Variants in KIAA0513 observed in about 807,000 individuals in gnomAD.
KIAA0513 encodes uncharacterized protein KIAA0513.
In KIAA0513, 39 loss-of-function variants were observed where a neutral mutation model predicts 56.5. The ratio of observed to expected loss-of-function variants is 0.69; its 90% CI spans 0.53 to 0.90. The LOEUF (loss-of-function observed/expected upper bound fraction) is 0.90, where lower values mean the gene tolerates loss of function less well. Ranked by LOEUF, KIAA0513 falls within the 40% of genes least tolerant of loss-of-function variation. The probability of loss-of-function intolerance (pLI) is 0.00; values close to 1 mark genes in which losing one functional copy is unlikely to be tolerated. For missense variants in KIAA0513, 591 were observed against 535.2 expected, an observed-to-expected ratio of 1.10 and a Z score of -1.03; for synonymous variants, 268 against 215.6, an observed-to-expected ratio of 1.24 and a Z score of -2.13.
At chr16:85,056,808 T>A (rs2073336802) in intron 1 of KIAA0513, among the ~76,000 whole-genome samples, 1 of 152,188 alleles carries the variant, frequency 6.6e-6, no homozygotes, top group Non-Finnish European at 1.5e-5. Flanking sequence ...CAAGGAATCC[T>A]CATGCCTCAG....
chr16:85,042,483 C>T (rs1056735043), intron 1 of KIAA0513, among the ~76,000 whole-genome samples: 2 of 152,180 alleles, frequency 1.3e-5, no homozygotes, highest in Non-Finnish European at 2.9e-5. Flanking sequence ...TGGACTCCCC[C>T]TCTGCTTGGG....
intron 1 of KIAA0513, among the ~76,000 whole-genome samples, chr16:85,040,391 G>A (rs915946146): frequency 1.3e-5 from 2 of 152,082 alleles, no homozygotes; most frequent in South Asian, 2.1e-4. Flanking sequence ...TTGGCTGGGC[G>A]TGGTGGCTCA....
rs1036755648 is a variant in KIAA0513, at chr16:85,091,037, G to C, written c.*2712G>C. ...ACCTGGGTGTAGGAGAGCTCTGGTGGCCCCTCCGTAAACTCAGGAAGTGTC... is the reference window on the plus strand; with the variant it reads ...ACCTGGGTGTAGGAGAGCTCTGGTGCCCCCTCCGTAAACTCAGGAAGTGTC... On this transcript the variant is annotated 3_prime_UTR_variant, in exon 13 of 13. Coordinates refer to ENST00000683363, the MANE Select transcript of KIAA0513 (RefSeq NM_001388359.1). 2 of 152,204 alleles carry C rather than the reference G, an allele frequency of 1.3e-5. No homozygotes were observed. Among genetic ancestry groups the C allele is most frequent in the Non-Finnish European group, 2.9e-5 (2 of 68,028 alleles). The allele number at this position is 152,204 out of a possible 1,614,324, so 9.4% of individuals were successfully genotyped here.
At chr16:85,034,303 C>T (rs1164187005) in intron 1 of KIAA0513, among the ~76,000 whole-genome samples, 1 of 152,128 alleles carries the variant, frequency 6.6e-6, no homozygotes. Context: ...TTGCTTGAAC[C>T]TGGGGGGTGG....
rs1267038319 is a variant in KIAA0513, at chr16:85,067,294, A to G, written c.223A>G (p.Asn75Asp). The G allele has an allele frequency of 6.2e-7, 1 of 1,613,540 alleles. No individual in the cohort carries two copies. The highest frequency in any genetic ancestry group is 1.3e-5 in the African/African-American group (1 of 74,934). ...SWDQDRRSSS[N>D]ESFSSNQSTE... ...GGACCAAGACCGCCGTTCCTCCTCCAACGAGTCCTTCTCCTCCAACCAGAG... is the reference window on the plus strand; with the variant it reads ...GGACCAAGACCGCCGTTCCTCCTCCGACGAGTCCTTCTCCTCCAACCAGAG... The change falls in exon 2 of 13, where the codon AAC becomes GAC. Residue 75 changes from asparagine (N) to aspartate (D), a missense_variant. Coordinates refer to ENST00000683363, the MANE Select transcript of KIAA0513 (RefSeq NM_001388359.1).
At position 85,067,302 on chromosome 16, in the gene KIAA0513, C is replaced by G. The variant is rs767847766; in HGVS notation, c.231C>G (p.Ser77=). ...ACCGCCGTTCCTCCTCCAACGAGTC[C>G]TTCTCCTCCAACCAGAGCACCGAGT... ...DQDRRSSSNE[S]FSSNQSTEST... The change falls in exon 2 of 13, where the codon TCC becomes TCG. Residue 77 remains serine (S), a synonymous_variant. Transcript: ENST00000683363. The G allele has an allele frequency of 3.1e-6, 5 of 1,612,318 alleles. No individual in the cohort carries two copies. Among genetic ancestry groups the G allele is most frequent in the Non-Finnish European group, 3.4e-6 (4 of 1,179,630 alleles).
At chr16:85,087,001 A>G in intron 11 of KIAA0513, 71 bp from the exon 12 acceptor site, 1 of 1,431,204 alleles carries the variant, frequency 7.0e-7, no homozygotes, top group Non-Finnish European at 9.8e-7. Context: ...CGTCCCAGAG[A>G]CAAGGGCCCA....
Position 85,087,166 on chromosome 16 carries a change from G to T in KIAA0513, c.1186G>T (p.Glu396Ter). 5.0e-6 allele frequency: 8 copies of T among 1,613,318 alleles called. No homozygotes were observed. Among genetic ancestry groups the T allele is most frequent in the Non-Finnish European group, 6.8e-6 (8 of 1,179,226 alleles). ...GGCTGTGATTGGCAACCTGGATGAA[G>T]GTGCGTCTGGGGGAGGCTGCTGGCA... ...KQAVIGNLDE[E>*]QYKLLSDHIE... Residue 396 changes from glutamate to a stop codon, truncating the protein, a stop_gained and splice_region_variant, in exon 12 of 13, where the codon GAG (glutamate) becomes TAG (stop). Transcript: ENST00000683363. LOFTEE classifies it high-confidence loss of function.
intron 4 of KIAA0513, among the ~76,000 whole-genome samples, chr16:85,074,200 C>G (rs2073621599): frequency 6.6e-6 from 1 of 151,968 alleles, no homozygotes; most frequent in Admixed American, 6.6e-5. Flanking sequence ...GTCTCGAACT[C>G]CTGACCTCAA....
At chr16:85,084,085 G>A (rs543821731) in intron 10 of KIAA0513, among the ~76,000 whole-genome samples, 23 of 133,492 alleles carry the variant, frequency 1.7e-4, no homozygotes, top group African/African-American at 6.0e-4. Context: ...TTTTTGAGAT[G>A]GAGTCTCGCT....
At position 85,081,459 on chromosome 16, in the gene KIAA0513, T is replaced by G. The variant is rs1209327397; in HGVS notation, c.980+67T>G. ...ACCAGGGAGTGGCTTTATTTCCCGG[T>G]TTCGGAAGAGGAGAGCAGAAGAGCA... On this transcript the variant is annotated intron_variant, in intron 9 of 12. Coordinates refer to ENST00000683363, the MANE Select transcript of KIAA0513 (RefSeq NM_001388359.1). The surrounding 1 kb of genome is among the most constrained non-coding windows in gnomAD (Gnocchi z 4.4). 1 of 1,389,086 alleles carries G rather than the reference T, an allele frequency of 7.2e-7. No individual in the cohort carries two copies. The highest frequency in any genetic ancestry group is 1.0e-6 in the Non-Finnish European group (1 of 999,570). 86.0% of individuals were successfully genotyped at this position (1,389,086 alleles called of 1,614,324 possible). A position where few individuals can be genotyped will look rare whatever the true frequency, so the allele number is the denominator to read the frequency against.
intron 1 of KIAA0513, among the ~76,000 whole-genome samples, chr16:85,062,360 G>A (rs916155999): frequency 1.3e-5 from 2 of 152,192 alleles, no homozygotes; most frequent in Non-Finnish European, 2.9e-5. Flanking sequence ...GCTTTGGAAG[G>A]TACAGGTTGA....
Position 85,093,750 on chromosome 16 carries a change from G to T in KIAA0513, c.*5425G>T, listed in dbSNP as rs1003368176. ...CGGTGAGCCTGGGGCTGTTGCTTAG[G>T]GTCTTCTGGGTGGACACGTGGAGAA... On this transcript the variant is annotated 3_prime_UTR_variant, in exon 13 of 13. Transcript: ENST00000683363. 1.3e-5 allele frequency: 2 copies of T among 152,392 alleles called. No homozygotes were observed. Among genetic ancestry groups the T allele is most frequent in the Admixed American group, 6.5e-5 (1 of 15,308 alleles). 9.4% of individuals were successfully genotyped at this position (152,392 alleles called of 1,614,324 possible). A position where few individuals can be genotyped will look rare whatever the true frequency, so the allele number is the denominator to read the frequency against.
rs768311270 is a variant in KIAA0513 at position 85,067,089 on chromosome 16, C to G, written c.18C>G (p.Val6=). METPE[V]PVGSLIDFGP... ...CCTGAGCCATGGAGACCCCAGAGGT[C>G]CCCGTGGGCTCGCTAATCGACTTTG... The change falls in exon 2 of 13, where the codon GTC becomes GTG. Residue 6 remains valine (V), a synonymous_variant. Coordinates refer to ENST00000683363, the MANE Select transcript of KIAA0513 (RefSeq NM_001388359.1). 2 of 1,587,900 alleles carry G rather than the reference C, an allele frequency of 1.3e-6. No homozygotes were observed. Among genetic ancestry groups the G allele is most frequent in the South Asian group, 1.1e-5 (1 of 87,198 alleles).
rs563167770 is a variant in KIAA0513 at position 85,067,803 on chromosome 16, CTTTTTTTCTT to C, written c.329+419_329+428del. On this transcript the variant is annotated intron_variant, in intron 2 of 12. Transcript: ENST00000683363. ...ATGTTCTTTTTGTTTATTTTCTTTTCTTTTTTTCTTTTTTTTTCTTTTTTTGAGACAGAGT... is the reference window on the plus strand; with the variant it reads ...ATGTTCTTTTTGTTTATTTTCTTTTCTTTTTTTCTTTTTTTGAGACAGAGT... 3.1e-3 allele frequency among the ~76,000 whole-genome samples: 472 copies of C among 152,132 alleles called. 1 individual carries two copies. Among genetic ancestry groups the C allele is most frequent in the Non-Finnish European group, 5.0e-3 (337 of 67,970 alleles).
chr16:85,072,842 TGA>T, intron 3 of KIAA0513, 81 bp from the exon 4 acceptor site: 1 of 1,337,296 alleles, frequency 7.5e-7, no homozygotes, highest in South Asian at 1.2e-5. Flanking sequence ...TTGGAAACAC[TGA>T]GAGTGCAAAG....
intron 1 of KIAA0513, among the ~76,000 whole-genome samples, chr16:85,061,214 G>A (rs937927861): frequency 2.0e-5 from 3 of 152,068 alleles, no homozygotes; most frequent in Non-Finnish European, 4.4e-5. Context: ...ATATATTGCT[G>A]CAGACAGACT....
At chr16:85,059,574 CTCT>C (rs1331359139) in intron 1 of KIAA0513, among the ~76,000 whole-genome samples, 1 of 152,256 alleles carries the variant, frequency 6.6e-6, no homozygotes, top group Non-Finnish European at 1.5e-5. Flanking sequence ...GCACACACCC[CTCT>C]TCTCCAGCCC....
rs752552459 is a variant in KIAA0513 at position 85,067,505 on chromosome 16, A to C, written c.329+105A>C. 6 of 892,164 alleles carry C rather than the reference A, an allele frequency of 6.7e-6. No homozygotes were observed. In the African/African-American group the frequency reaches 8.4e-5, roughly 13 times the overall value. 55.3% of individuals were successfully genotyped at this position (892,164 alleles called of 1,614,324 possible). The stretch of plus-strand genomic sequence containing the variant: ...TCTCCCCAGGGTGCCACCTGGGACC[A>C]GAGCTTCCATTTCCCCATCAGCCAG... On this transcript the variant is annotated intron_variant, in intron 2 of 12. Transcript: ENST00000683363.
Sources: allele counts gnomAD v4.1 joint callset (sites outside exome capture counted in the v4.1 genomes callset), GRCh38; gene constraint gnomAD v4.1.1; non-coding constraint Gnocchi (gnomAD v3.1); transcripts MANE v1.5; gene names NCBI Gene and HGNC (gene_info 2026-07-23, HGNC 2026-07-21).